MUC5B: variants seen among roughly 807,000 people sequenced by gnomAD.
MUC5B encodes the protein mucin 5B, oligomeric mucus/gel-forming.
Under a neutral mutation model 376.9 loss-of-function variants are expected in MUC5B, and 116 were observed. The observed-to-expected ratio is 0.31, with a 90% CI of 0.26 to 0.36. The LOEUF (loss-of-function observed/expected upper bound fraction) is 0.36. MUC5B is among the 10% of genes least tolerant of loss of function. The pLI is 1.00. For missense variants in MUC5B, 7,165 were observed against 7,769.9 expected, an observed-to-expected ratio of 0.92 and a Z score of 2.93; for synonymous variants, 3,517 against 3,390.9, an observed-to-expected ratio of 1.04 and a Z score of -1.29.
At position 1,244,680 on chromosome 11, in the gene MUC5B, A is replaced by C; in HGVS notation, c.7800A>C (p.Pro2600=). The part of the protein sequence containing the change: ...TGSVATPSST[P]GTAHTTKVLT... Reference sequence around the variant, plus strand: ...CTGTGGCCACCCCCTCCTCCACCCCAGGAACAGCTCACACTACCAAAGTGC... The same window carrying C: ...CTGTGGCCACCCCCTCCTCCACCCCCGGAACAGCTCACACTACCAAAGTGC... Residue 2600 remains proline (P), a synonymous_variant, in exon 31 of 49, where the codon CCA becomes CCC. Transcript: ENST00000529681. 1.9e-6 allele frequency: 3 copies of C among 1,612,564 alleles called. No homozygotes were observed. The East Asian group carries it at 6.7e-5, about 36-fold the overall frequency.
intron 11 of MUC5B, 148 bp downstream of exon 11, chr11:1,230,291 G>C: frequency 1.6e-6 from 2 of 1,288,370 alleles, no homozygotes; most frequent in Non-Finnish European, 2.1e-6. Flanking sequence ...TGGTCATAGA[G>C]GGATGGCTCT....
At position 1,250,227 on chromosome 11, in the gene MUC5B, C is replaced by A. The variant is rs1590187416; in HGVS notation, c.13347C>A (p.Ile4449=). 1.2e-6 allele frequency: 2 copies of A among 1,608,910 alleles called. No homozygotes were observed. The highest frequency in any genetic ancestry group is 2.2e-5 in the South Asian group (2 of 90,910). The change falls in exon 31 of 49, where the codon ATC becomes ATA. Residue 4449 remains isoleucine, a synonymous_variant. Transcript: ENST00000529681. ...CCTCCACCCCAGGGACCACCTGGATCCTCACAGAGCCGAGCACTACAGCCA... is the reference window on the plus strand; with the variant it reads ...CCTCCACCCCAGGGACCACCTGGATACTCACAGAGCCGAGCACTACAGCCA... ...TPSSTPGTTW[I]LTEPSTTATV...
In MUC5B at chr11:1,260,739, T is replaced by C. The variant is rs765661237; in HGVS notation, c.17069+11T>C. On this transcript the variant is annotated intron_variant, in intron 48 of 48. Coordinates refer to ENST00000529681, the MANE Select transcript of MUC5B (RefSeq NM_002458.3). ...CCCCGGAGCGTCCAAGTGAGTGGGC[T>C]CCTGGCCCTGTGCCAAGAGCACCTG... 1.9e-6 allele frequency: 3 copies of C among 1,595,154 alleles called. No homozygotes were observed. Among genetic ancestry groups the C allele is most frequent in the Non-Finnish European group, 2.6e-6 (3 of 1,168,354 alleles).
At position 1,235,324 on chromosome 11, in the gene MUC5B, A is replaced by C. The variant is rs762952995; in HGVS notation, c.2791A>C (p.Thr931Pro). Residue 931 changes from threonine (T) to proline (P), a missense_variant, in exon 23 of 49, where the codon ACC becomes CCC. Physicochemically the swap from Thr to Pro is conservative, Grantham distance 38 (BLOSUM62 -1). This residue lies in a region of MUC5B where 530 missense variants were observed against 604.0 expected (regional missense o/e 0.88). Coordinates refer to ENST00000529681, the MANE Select transcript of MUC5B (RefSeq NM_002458.3). ...CCAGGACTACTGTGGGGACAACACC[A>C]CCCACGGGACCTTCCGCATCGTCAC... ...LAQDYCGDNTTHGTFRIVTEN... is the reference protein window; with the variant it reads ...LAQDYCGDNTPHGTFRIVTEN... 1.4e-5 allele frequency: 23 copies of C among 1,612,220 alleles called. 1 individual carries two copies. Among genetic ancestry groups the C allele is most frequent in the Middle Eastern group, 1.7e-4 (1 of 6,054 alleles).
At position 1,249,320 on chromosome 11, in the gene MUC5B, C is replaced by T. The variant is rs764444496; in HGVS notation, c.12440C>T (p.Pro4147Leu). ...GACTACAGCTACCCCATGCCGGGGC[C>T]CTCTGGCGGGGACTTTGACACCTAC... ...WLDYSYPMPG[P>L]SGGDFDTYSN... Residue 4147 changes from proline to leucine, a missense_variant, in exon 31 of 49, where the codon CCC becomes CTC. Transcript: ENST00000529681. 1 of 1,610,814 alleles carries T rather than the reference C, an allele frequency of 6.2e-7. No individual in the cohort carries two copies. The highest frequency in any genetic ancestry group is 8.5e-7 in the Non-Finnish European group (1 of 1,179,460).
At chr11:1,224,878 A>C (rs1322364090) in intron 1 of MUC5B, among the ~76,000 whole-genome samples, 4 of 151,536 alleles carry the variant, frequency 2.6e-5, no homozygotes, top group African/African-American at 7.3e-5. Flanking sequence ...CTCACCTCCC[A>C]CCTCCCCACA....
In MUC5B at chr11:1,260,627, C is replaced by T; in HGVS notation, c.16968C>T (p.Asp5656=). Residue 5656 remains aspartate (D), a splice_region_variant and synonymous_variant, in exon 48 of 49, where the codon GAC becomes GAT. Coordinates refer to ENST00000529681, the MANE Select transcript of MUC5B (RefSeq NM_002458.3). ...KTGCCYSCEE[D]SCQVRINTTI... is the part of the protein sequence containing the mutation. Reference sequence around the variant, plus strand: ...CACATCTGCCTTTCCTCCTCCCAGACTCCTGTCAAGTCCGCATCAACACGA... The same window carrying T: ...CACATCTGCCTTTCCTCCTCCCAGATTCCTGTCAAGTCCGCATCAACACGA... 1.2e-6 allele frequency: 2 copies of T among 1,611,964 alleles called. No homozygotes were observed. The highest frequency in any genetic ancestry group is 1.7e-6 in the Non-Finnish European group (2 of 1,179,336).
chr11:1,243,821 G>C lies in MUC5B; in HGVS notation c.6941G>C (p.Cys2314Ser). 1 of 1,611,562 alleles carries C rather than the reference G, an allele frequency of 6.2e-7. No individual in the cohort carries two copies. Among genetic ancestry groups the C allele is most frequent in the Non-Finnish European group, 8.5e-7 (1 of 1,179,600 alleles). The change falls in exon 31 of 49, where the codon TGT becomes TCT. Residue 2314 changes from cysteine (C) to serine (S), a missense_variant. Coordinates refer to ENST00000529681, the MANE Select transcript of MUC5B (RefSeq NM_002458.3). ...APITTVVTMG[C>S]EPQCAWSEWL... Reference sequence around the variant, plus strand: ...ATAACCACGGTGGTGACCATGGGCTGTGAGCCCCAGTGTGCCTGGTCAGAG... The same window carrying C: ...ATAACCACGGTGGTGACCATGGGCTCTGAGCCCCAGTGTGCCTGGTCAGAG...
intron 48 of MUC5B, 37 bp downstream of exon 48, chr11:1,260,765 C>A: frequency 1.3e-6 from 2 of 1,498,468 alleles, no homozygotes; most frequent in Non-Finnish European, 1.8e-6. Context: ...AGAGCACCTG[C>A]GTGTGGTGGG....
chr11:1,223,301 T>G, intron 1 of MUC5B, 108 bp downstream of exon 1: 5 of 695,722 alleles, frequency 7.2e-6, no homozygotes, highest in Non-Finnish European at 1.3e-5. Context: ...CAGATCCCCC[T>G]ACGACTCCCT....
At position 1,242,659 on chromosome 11, in the gene MUC5B, A is replaced by C; in HGVS notation, c.5779A>C (p.Thr1927Pro). ...GTCCACTGGATCCACGGCCACCCCGACCTCCACCCTGAGAACAGCTCCCCC... is the reference window on the plus strand; with the variant it reads ...GTCCACTGGATCCACGGCCACCCCGCCCTCCACCCTGAGAACAGCTCCCCC... Reference protein sequence around the residue: ...TASTGSTATPTSTLRTAPPPK... With the variant: ...TASTGSTATPPSTLRTAPPPK... Residue 1927 changes from threonine to proline, a missense_variant, in exon 31 of 49, where the codon ACC becomes CCC. Coordinates refer to ENST00000529681, the MANE Select transcript of MUC5B (RefSeq NM_002458.3). 1 of 1,612,766 alleles carries C rather than the reference A, an allele frequency of 6.2e-7. No homozygotes were observed. Among genetic ancestry groups the C allele is most frequent in the African/African-American group, 1.3e-5 (1 of 74,554 alleles).
chr11:1,255,432 G>T lies in MUC5B; in HGVS notation c.15940G>T (p.Ala5314Ser), dbSNP rs763728561. 6.2e-7 allele frequency: 1 copy of T among 1,604,100 alleles called. No homozygotes were observed. Among genetic ancestry groups the T allele is most frequent in the Non-Finnish European group, 8.5e-7 (1 of 1,176,010 alleles). ...NLVPPGPFFN[A>S]CISDHCRGRL... is the part of the protein sequence containing the mutation. ...TGTGCCCCCGGGCCCATTCTTCAAC[G>T]CCTGCATCAGCGACCACTGCAGGGG... is the stretch of plus-strand genomic sequence containing the variant. Residue 5314 changes from alanine to serine, a missense_variant, in exon 37 of 49, where the codon GCC becomes TCC. Ala to Ser is a moderately conservative substitution (Grantham distance 99). Coordinates refer to ENST00000529681, the MANE Select transcript of MUC5B (RefSeq NM_002458.3).
At chr11:1,230,808 A>G in intron 12 of MUC5B, 128 bp from the exon 13 acceptor site, 1 of 1,132,536 alleles carries the variant, frequency 8.8e-7, no homozygotes, top group Non-Finnish European at 1.3e-6. Flanking sequence ...AGCCCACCGC[A>G]GGTCCAGGTC....
In MUC5B at chr11:1,262,023, T is replaced by C. The variant is rs1205432202; in HGVS notation, c.*415T>C. 2.0e-6 allele frequency: 1 copy of C among 505,082 alleles called. No homozygotes were observed. The highest frequency in any genetic ancestry group is 3.9e-6 in the Non-Finnish European group (1 of 255,824). 31.3% of individuals were successfully genotyped at this position (505,082 alleles called of 1,614,324 possible). On this transcript the variant is annotated 3_prime_UTR_variant, in exon 49 of 49. Transcript: ENST00000529681. ...GCAAGGCCAGCTGCTGCCAGGAAGC[T>C]GCGACAGGCAAGGCGGCCGCCTGTC...
At chr11:1,232,416 A>G (rs1404428168) in intron 15 of MUC5B, 34 bp from the exon 16 acceptor site, 7 of 1,565,128 alleles carry the variant, frequency 4.5e-6, no homozygotes, top group Non-Finnish European at 6.1e-6. Context: ...GCTTCGGGGC[A>G]GGGCGTGGAG....
rs3021164 is a variant in MUC5B, at chr11:1,249,433, G to T, written c.12553G>T (p.Gly4185Trp). ...RAQAQPGVPL[G>W]ELGQVVECSL... is the part of the protein sequence containing the mutation. ...CCAGGCCCAGCCTGGTGTCCCCCTG[G>T]GGGAGTTGGGCCAGGTCGTGGAATG... Residue 4185 changes from glycine to tryptophan, a missense_variant, in exon 31 of 49, where the codon GGG (glycine) becomes TGG (tryptophan). Coordinates refer to ENST00000529681, the MANE Select transcript of MUC5B (RefSeq NM_002458.3). The T allele has an allele frequency of 2.7e-3, 4,294 of 1,593,894 alleles. 133 individuals are homozygous for T. The African/African-American group carries it at 0.051, about 19-fold the overall frequency.
chr11:1,234,979 G>C lies in MUC5B; in HGVS notation c.2631-106G>C. 7.0e-7 allele frequency: 1 copy of C among 1,421,338 alleles called. No homozygotes were observed. The allele number at this position is 1,421,338 out of a possible 1,614,324, so 88.0% of individuals were successfully genotyped here. ...ACGGAGGAGGGGTCAGGCTGGGCCT[G>C]GGGAGGCTGAGGCCCCGTGCTGACC... On this transcript the variant is annotated intron_variant, in intron 21 of 48. Coordinates refer to ENST00000529681, the MANE Select transcript of MUC5B (RefSeq NM_002458.3). The surrounding 1 kb of genome is among the most constrained non-coding windows in gnomAD (Gnocchi z 6.3).
chr11:1,234,325 GAGGGGTGGGCAGGGA>G lies in MUC5B; in HGVS notation c.2478+27_2478+41del. ...GGCTGTGTGAGTTCCATGCTTCAGGGAGGGGTGGGCAGGGAAGGGGTCCCAGCTTTCCCAGCTCCC... is the reference window on the plus strand; with the variant it reads ...GGCTGTGTGAGTTCCATGCTTCAGGGAGGGGTCCCAGCTTTCCCAGCTCCC... On this transcript the variant is annotated intron_variant, in intron 20 of 48. Transcript: ENST00000529681. The surrounding 1 kb of genome is among the most constrained non-coding windows in gnomAD (Gnocchi z 6.3). 6.7e-7 allele frequency: 1 copy of G among 1,494,062 alleles called. No homozygotes were observed. Among genetic ancestry groups the G allele is most frequent in the Non-Finnish European group, 9.2e-7 (1 of 1,081,814 alleles). 92.6% of individuals were successfully genotyped at this position (1,494,062 alleles called of 1,614,324 possible). A position where few individuals can be genotyped will look rare whatever the true frequency, so the allele number is the denominator to read the frequency against.
Position 1,248,747 on chromosome 11 carries a change from C to T in MUC5B, c.11867C>T (p.Ala3956Val), listed in dbSNP as rs1484909459. Residue 3956 changes from alanine (A) to valine (V), a missense_variant, in exon 31 of 49, where the codon GCC (alanine) becomes GTC (valine). This residue lies in a region of MUC5B where 242 missense variants were observed against 199.0 expected (regional missense o/e 1.22). Coordinates refer to ENST00000529681, the MANE Select transcript of MUC5B (RefSeq NM_002458.3). The stretch of plus-strand genomic sequence containing the variant: ...ATCACCACGGCCACTACGATCACGG[C>T]CACCGGCTCCACCACCAACCCCTCC... The part of the protein sequence containing the change: ...SLITTATTIT[A>V]TGSTTNPSST... 1.3e-6 allele frequency: 2 copies of T among 1,554,364 alleles called. No homozygotes were observed. The highest frequency in any genetic ancestry group is 1.4e-5 in the African/African-American group (1 of 72,800).
Sources: allele counts gnomAD v4.1 joint callset (sites outside exome capture counted in the v4.1 genomes callset), GRCh38; gene constraint gnomAD v4.1.1; regional missense constraint gnomAD v4.1.1; non-coding constraint Gnocchi (gnomAD v3.1); transcripts MANE v1.5; gene names NCBI Gene and HGNC (gene_info 2026-07-23, HGNC 2026-07-21).